ZMYND11: variants seen among roughly 807,000 people sequenced by gnomAD.
ZMYND11 encodes zinc finger MYND domain-containing protein 11.
ZMYND11 carries 9 observed loss-of-function variants against 84.9 expected under a neutral mutation model. The observed-to-expected ratio is 0.11, with a 90% CI of 0.06 to 0.18. The LOEUF is 0.18. ZMYND11 is among the 10% of genes least tolerant of loss of function. The pLI, the probability that ZMYND11 is intolerant of heterozygous loss-of-function variation, is 1.00. For missense variants in ZMYND11, 409 were observed against 761.0 expected, an observed-to-expected ratio of 0.54 and a Z score of 5.44; for synonymous variants, 250 against 244.1, an observed-to-expected ratio of 1.02 and a Z score of -0.23.
intron 2 of ZMYND11, among the ~76,000 whole-genome samples, chr10:200,450 ATATT>A (rs1267411835): frequency 6.7e-6 from 1 of 149,114 alleles, no homozygotes; most frequent in Non-Finnish European, 1.5e-5. Context: ...ATGTGTGTAT[ATATT>A]TATTTTTTAG....
At chr10:241,989 T>C in intron 9 of ZMYND11, 32 bp from the exon 10 acceptor site, 1 of 1,609,002 alleles carries the variant, frequency 6.2e-7, no homozygotes. Flanking sequence ...ACTTTAAAAG[T>C]AATATAACAA....
chr10:188,594 A>C (rs1282685846), intron 2 of ZMYND11, among the ~76,000 whole-genome samples: 2 of 141,578 alleles, frequency 1.4e-5, no homozygotes, highest in East Asian at 4.0e-4. Context: ...CCTGTCTCAA[A>C]AAAAAAAAAA....
At chr10:216,539 C>G (rs1324988146) in intron 3 of ZMYND11, among the ~76,000 whole-genome samples, 1 of 152,112 alleles carries the variant, frequency 6.6e-6, no homozygotes, top group African/African-American at 2.4e-5. Context: ...ACAACTTACT[C>G]TATTTACGTT....
intron 1 of ZMYND11, among the ~76,000 whole-genome samples, chr10:147,471 A>G (rs1230628563): frequency 1.3e-5 from 2 of 151,886 alleles, no homozygotes; most frequent in African/African-American, 4.8e-5. Context: ...TAGCTTTTCA[A>G]GCTTCAAATT....
chr10:186,642 CAAAAAAAAAAAAAAAAAAAAAAAA>C (rs56345833), intron 2 of ZMYND11, among the ~76,000 whole-genome samples: 4 of 95,152 alleles, frequency 4.2e-5, no homozygotes, highest in Admixed American at 2.5e-4. Flanking sequence ...AGGACTCTCT[CAAAAAAAAAAAAAAAAAAAAAAAA>C]AAAAAAAAAA....
intron 3 of ZMYND11, among the ~76,000 whole-genome samples, chr10:217,577 A>G (rs1445884567): frequency 9.2e-5 from 14 of 152,252 alleles, no homozygotes; most frequent in East Asian, 5.8e-4. Context: ...AATGCCTAGC[A>G]AAGAAATGTG....
chr10:233,992 A>T (rs1949462528), intron 4 of ZMYND11, among the ~76,000 whole-genome samples: 1 of 152,244 alleles, frequency 6.6e-6, no homozygotes, highest in Admixed American at 6.5e-5. Flanking sequence ...GAACCTGAAT[A>T]TAGACCTTTA....
intron 1 of ZMYND11, among the ~76,000 whole-genome samples, chr10:169,877 A>G (rs1302185700): frequency 6.6e-6 from 1 of 152,182 alleles, no homozygotes; most frequent in Admixed American, 6.6e-5. Flanking sequence ...GACAGAAGCA[A>G]TATTTGAGTC....
At chr10:227,191 C>T (rs937740414) in intron 4 of ZMYND11, among the ~76,000 whole-genome samples, 1 of 152,180 alleles carries the variant, frequency 6.6e-6, no homozygotes, top group Non-Finnish European at 1.5e-5. Context: ...GAATTTGCAG[C>T]ACTTGATTCT....
intron 4 of ZMYND11, among the ~76,000 whole-genome samples, chr10:233,266 G>A (rs758820855): frequency 7.2e-5 from 11 of 152,172 alleles, no homozygotes; most frequent in Non-Finnish European, 1.5e-4. Context: ...TAGCTGTGCC[G>A]TTTGAAGAAC....
At position 211,408 on chromosome 10, in the gene ZMYND11, C is replaced by G. The variant is rs150678404; in HGVS notation, c.276+1360C>G. Among the ~76,000 whole-genome samples the G allele has an allele frequency of 1.9e-3, 291 of 151,952 alleles. 1 individual carries two copies. The highest frequency in any genetic ancestry group is 6.6e-3 in the African/African-American group (272 of 41,364). ...TAAAATTATAAAAATGACATAGAAT[C>G]TTATAATTGGTTCTTTGTGGAAAAA... On this transcript the variant is annotated intron_variant, in intron 3 of 14. Transcript: ENST00000381604.
intron 1 of ZMYND11, among the ~76,000 whole-genome samples, chr10:153,085 G>A (rs988608812): frequency 3.3e-5 from 5 of 152,156 alleles, no homozygotes; most frequent in Non-Finnish European, 7.3e-5. Context: ...CTCTGCCCTT[G>A]AATACCTTTA....
chr10:161,940 C>T (rs914494312), intron 1 of ZMYND11, among the ~76,000 whole-genome samples: 2 of 152,138 alleles, frequency 1.3e-5, no homozygotes, highest in African/African-American at 4.8e-5. Flanking sequence ...AGAACTTTAC[C>T]TTTACATTCG....
intron 2 of ZMYND11, among the ~76,000 whole-genome samples, chr10:189,266 A>G (rs375672063): frequency 6.6e-6 from 1 of 152,218 alleles, no homozygotes. Context: ...TCAACTAGGT[A>G]CACATTATTT....
intron 1 of ZMYND11, among the ~76,000 whole-genome samples, chr10:161,170 T>C (rs1172694420): frequency 1.3e-5 from 2 of 152,128 alleles, no homozygotes; most frequent in African/African-American, 4.8e-5. Flanking sequence ...GATGTCATGT[T>C]AGCCACATGA....
rs139846354 is a variant in ZMYND11 at position 226,945 on chromosome 10, G to A, written c.438+5589G>A. ...TTATTCCAGTATGTCTTTAAAAACTGGAAAAGACTCGTCCCCTACAAATGT... is the reference window on the plus strand; with the variant it reads ...TTATTCCAGTATGTCTTTAAAAACTAGAAAAGACTCGTCCCCTACAAATGT... On this transcript the variant is annotated intron_variant, in intron 4 of 14. Coordinates refer to ENST00000381604, the MANE Select transcript of ZMYND11 (RefSeq NM_001370100.5). Among the ~76,000 whole-genome samples the A allele has an allele frequency of 7.2e-5, 11 of 152,206 alleles. No homozygotes were observed. The East Asian group carries it at 2.1e-3, about 29-fold the overall frequency.
chr10:157,111 T>C (rs1181537946), intron 1 of ZMYND11, among the ~76,000 whole-genome samples: 1 of 152,256 alleles, frequency 6.6e-6, no homozygotes, highest in Non-Finnish European at 1.5e-5. Context: ...GAAAATAATT[T>C]AGATTTAAAA....
In ZMYND11 at chr10:212,895, T is replaced by C. The variant is rs145153446; in HGVS notation, c.276+2847T>C. ...GTTTTCCATTAGAACACTGGATCTT[T>C]ATTTAAAGTGTAACTCTAAAATAAT... On this transcript the variant is annotated intron_variant, in intron 3 of 14. Transcript: ENST00000381604. 2.6e-3 allele frequency among the ~76,000 whole-genome samples: 393 copies of C among 152,324 alleles called. 3 individuals are homozygous for C. The highest frequency in any genetic ancestry group is 9.0e-3 in the African/African-American group (376 of 41,582).
At chr10:226,511 T>TA (rs1948161816) in intron 4 of ZMYND11, among the ~76,000 whole-genome samples, 1 of 152,210 alleles carries the variant, frequency 6.6e-6, no homozygotes, top group Admixed American at 6.5e-5. Flanking sequence ...TTTCATAACT[T>TA]AGAGGAGTTG....
Sources: allele counts gnomAD v4.1 joint callset (sites outside exome capture counted in the v4.1 genomes callset), GRCh38; gene constraint gnomAD v4.1.1; transcripts MANE v1.5; gene names NCBI Gene and HGNC (gene_info 2026-07-23, HGNC 2026-07-21).